The following NSD3 variants were observed in gnomAD, a reference collection of about 807,000 sequenced individuals.
NSD3 encodes the protein nuclear receptor binding SET domain protein 3.
Under a neutral mutation model 160.8 loss-of-function variants are expected in NSD3, and 24 were observed. The ratio of observed to expected loss-of-function variants is 0.15; its 90% CI spans 0.11 to 0.21. The LOEUF (loss-of-function observed/expected upper bound fraction) is 0.21. Ranked by LOEUF, NSD3 falls within the 10% of genes least tolerant of loss-of-function variation. NSD3 has a pLI of 1.00. For synonymous variants in NSD3, 520 were observed against 600.0 expected, an observed-to-expected ratio of 0.87 and a Z score of 1.95; for missense variants, 1,157 against 1,735.9, an observed-to-expected ratio of 0.67 and a Z score of 5.93.
chr8:38,319,071 C>A lies in NSD3; in HGVS notation c.1810-131G>T. 1.2e-6 allele frequency: 1 copy of A among 834,758 alleles called. No homozygotes were observed. The highest frequency in any genetic ancestry group is 1.8e-5 in the South Asian group (1 of 56,102). 51.7% of individuals were successfully genotyped at this position (834,758 alleles called of 1,614,324 possible). A position where few individuals can be genotyped will look rare whatever the true frequency, so the allele number is the denominator to read the frequency against. On this transcript the variant is annotated intron_variant, in intron 8 of 23. Transcript: ENST00000317025. The surrounding 1 kb of genome is among the most constrained non-coding windows in gnomAD (Gnocchi z 4.1). Reference sequence around the variant, plus strand: ...ATGTATCTGAAATCTGAACTCAGTCCCATCTTTTGGGTAAAGTTCTCTGTC... The same window carrying A: ...ATGTATCTGAAATCTGAACTCAGTCACATCTTTTGGGTAAAGTTCTCTGTC...
intron 4 of NSD3, among the ~76,000 whole-genome samples, chr8:38,335,311 T>C (rs1167496595): frequency 6.6e-6 from 1 of 152,194 alleles, no homozygotes; most frequent in African/African-American, 2.4e-5. Flanking sequence ...TTAATAAAAC[T>C]AAATGTAAAT....
At chr8:38,372,753 C>A (rs1289974086) in intron 1 of NSD3, among the ~76,000 whole-genome samples, 1 of 151,178 alleles carries the variant, frequency 6.6e-6, no homozygotes, top group South Asian at 2.1e-4. Flanking sequence ...GCCTCGGCCT[C>A]CCAAAGTGCT....
chr8:38,351,269 G>T (rs1017499037), intron 1 of NSD3, among the ~76,000 whole-genome samples: 1 of 151,408 alleles, frequency 6.6e-6, no homozygotes. Flanking sequence ...GAGCCACCAT[G>T]CCTGGCCTCT....
intron 1 of NSD3, among the ~76,000 whole-genome samples, chr8:38,356,679 A>G (rs1341188798): frequency 6.6e-6 from 1 of 152,234 alleles, no homozygotes; most frequent in Non-Finnish European, 1.5e-5. Flanking sequence ...AGTCACTATA[A>G]CAAATTCATA....
At chr8:38,352,722 C>T (rs1323993051) in intron 1 of NSD3, among the ~76,000 whole-genome samples, 1 of 152,156 alleles carries the variant, frequency 6.6e-6, no homozygotes, top group Admixed American at 6.5e-5. Flanking sequence ...ATTCTCTCAC[C>T]TCAGGCTCCC....
At chr8:38,348,860 T>C (rs369126815) in intron 1 of NSD3, among the ~76,000 whole-genome samples, 15 of 152,234 alleles carry the variant, frequency 9.9e-5, no homozygotes, top group Non-Finnish European at 1.3e-4. Context: ...GGTTTCACTA[T>C]GTTGCCCAAG....
In NSD3 at chr8:38,317,233, A is replaced by G; in HGVS notation, c.1856-1191T>C. On this transcript the variant is annotated intron_variant, in intron 9 of 23. Coordinates refer to ENST00000317025, the MANE Select transcript of NSD3 (RefSeq NM_023034.2). This position sits in a 1 kb window ranked among gnomAD's most constrained non-coding sequence, Gnocchi z 5.3. ...TACTGGAACCTCGTTATCACATCCC[A>G]TTCTACAAGTTTTTCACTGAATGTT... 1 of 1,061,980 alleles carries G rather than the reference A, an allele frequency of 9.4e-7. No individual in the cohort carries two copies. The highest frequency in any genetic ancestry group is 1.1e-6 in the Non-Finnish European group (1 of 877,004). The allele number at this position is 1,061,980 out of a possible 1,614,324, so 65.8% of individuals were successfully genotyped here.
intron 7 of NSD3, among the ~76,000 whole-genome samples, chr8:38,323,142 C>T (rs1809830565): frequency 6.6e-6 from 1 of 152,146 alleles, no homozygotes; most frequent in African/African-American, 2.4e-5. Context: ...GCAACCTCCG[C>T]CTCCAGGGTT....
chr8:38,335,179 G>C (rs1177296465), intron 4 of NSD3, among the ~76,000 whole-genome samples: 1 of 151,964 alleles, frequency 6.6e-6, no homozygotes, highest in Non-Finnish European at 1.5e-5. Context: ...GTAGATATGG[G>C]GTTTCACCAT....
At chr8:38,293,362 C>G (rs1809053350) in intron 16 of NSD3, among the ~76,000 whole-genome samples, 1 of 151,426 alleles carries the variant, frequency 6.6e-6, no homozygotes, top group South Asian at 2.1e-4. Context: ...CCATCCGGGC[C>G]AACATGGTGA....
intron 1 of NSD3, among the ~76,000 whole-genome samples, chr8:38,360,223 T>C (rs2130033): frequency 0.22 from 33,870 of 152,058 alleles, 4,015 homozygotes; most frequent in East Asian, 0.31. Flanking sequence ...TCTTGAACTC[T>C]TGGACTCAAG....
chr8:38,281,911 G>A (rs2130985288), intron 19 of NSD3, among the ~76,000 whole-genome samples: 1 of 152,266 alleles, frequency 6.6e-6, no homozygotes, highest in Non-Finnish European at 1.5e-5. Context: ...ACTAGTTGGT[G>A]GCTATGCAGG....
At chr8:38,351,407 G>A (rs1810698193) in intron 1 of NSD3, among the ~76,000 whole-genome samples, 1 of 150,636 alleles carries the variant, frequency 6.6e-6, no homozygotes, top group African/African-American at 2.4e-5. Flanking sequence ...GCTCACATCT[G>A]TAATCCCAGC....
intron 16 of NSD3, among the ~76,000 whole-genome samples, chr8:38,295,041 G>C (rs967696719): frequency 2.6e-5 from 4 of 151,244 alleles, no homozygotes; most frequent in Admixed American, 6.6e-5. Context: ...CTACTCGGGA[G>C]GCTGAGGCAG....
chr8:38,313,227 G>A (rs1308972997), intron 12 of NSD3, among the ~76,000 whole-genome samples: 1 of 152,120 alleles, frequency 6.6e-6, no homozygotes, highest in African/African-American at 2.4e-5. Context: ...GTGTATGTAT[G>A]TGAATGAATG....
Position 38,382,105 on chromosome 8 carries a change from C to CA in NSD3, c.-352dup, listed in dbSNP as rs1811598848. ...GGGGTCGCCGCGCCGCCGCTGCTGCCAGAGAGGAGCCTGCGGCTGGCAGCC... is the reference window on the plus strand; with the variant it reads ...GGGGTCGCCGCGCCGCCGCTGCTGCCAAGAGAGGAGCCTGCGGCTGGCAGCC... On this transcript the variant is annotated 5_prime_UTR_variant, in exon 1 of 24. Coordinates refer to ENST00000317025, the MANE Select transcript of NSD3 (RefSeq NM_023034.2). This position sits in a 1 kb window ranked among gnomAD's most constrained non-coding sequence, Gnocchi z 4.2. 6.6e-6 allele frequency: 1 copy of CA among 152,586 alleles called. No homozygotes were observed. Among genetic ancestry groups the CA allele is most frequent in the Admixed American group, 6.6e-5 (1 of 15,240 alleles). The allele number at this position is 152,586 out of a possible 1,614,324, so 9.5% of individuals were successfully genotyped here.
At chr8:38,320,053 T>C (rs1809761184) in intron 8 of NSD3, 1 of 152,188 alleles carries the variant, frequency 6.6e-6, no homozygotes, top group Admixed American at 6.5e-5. Flanking sequence ...AAAGATTTTT[T>C]GGAATATAAT....
chr8:38,378,512 G>A (rs924577743), intron 1 of NSD3, among the ~76,000 whole-genome samples: 1 of 152,010 alleles, frequency 6.6e-6, no homozygotes, highest in Non-Finnish European at 1.5e-5. Flanking sequence ...CGTGGTGGCG[G>A]GCGCCTGTAG....
chr8:38,296,555 C>A (rs1003674554), intron 15 of NSD3, among the ~76,000 whole-genome samples: 8 of 152,110 alleles, frequency 5.3e-5, no homozygotes, highest in African/African-American at 1.7e-4. Flanking sequence ...ACAGGCTATA[C>A]AGCAGTGGTT....
Sources: gnomAD v4.1 joint callset for allele counts (sites outside exome capture counted in the v4.1 genomes callset) on GRCh38, gnomAD v4.1.1 for gene constraint, Gnocchi (gnomAD v3.1) non-coding constraint, MANE v1.5 for transcripts, NCBI Gene and HGNC (gene_info 2026-07-23, HGNC 2026-07-21) for gene names.